The following FILIP1 variants were observed in gnomAD, a reference collection of about 807,000 sequenced individuals.
The protein encoded by FILIP1 is filamin A interacting protein 1.
FILIP1 carries 61 observed loss-of-function variants against 102.1 expected under a neutral mutation model. That is an observed-to-expected ratio of 0.60 (90% CI 0.49 to 0.74). The LOEUF is 0.74. FILIP1 is among the 30% of genes least tolerant of loss of function. The pLI, the probability that FILIP1 is intolerant of heterozygous loss-of-function variation, is 0.00. For missense variants in FILIP1, 1,314 were observed against 1,441.2 expected, an observed-to-expected ratio of 0.91 and a Z score of 1.43; for synonymous variants, 491 against 526.9, an observed-to-expected ratio of 0.93 and a Z score of 0.93.
intron 2 of FILIP1, among the ~76,000 whole-genome samples, chr6:75,407,473 A>G (rs535614730): frequency 5.8e-4 from 88 of 152,130 alleles, no homozygotes; most frequent in African/African-American, 2.0e-3. Flanking sequence ...TGATCCGCCC[A>G]CCTCGGCCTC....
intron 1 of FILIP1, among the ~76,000 whole-genome samples, chr6:75,461,726 G>C (rs1214512572): frequency 1.3e-5 from 2 of 152,138 alleles, no homozygotes; most frequent in African/African-American, 4.8e-5. Flanking sequence ...GATAAATTAG[G>C]TTATTTCCAG....
intron 2 of FILIP1, among the ~76,000 whole-genome samples, chr6:75,365,383 GT>G (rs1775295604): frequency 6.6e-6 from 1 of 151,642 alleles, no homozygotes; most frequent in Non-Finnish European, 1.5e-5. Flanking sequence ...TTTTGTTTTT[GT>G]TTTTGAGACA....
intron 2 of FILIP1, among the ~76,000 whole-genome samples, chr6:75,399,817 C>T (rs1776592548): frequency 1.3e-5 from 2 of 152,188 alleles, no homozygotes; most frequent in African/African-American, 4.8e-5. Context: ...TTTGTCATTT[C>T]ATATGTTATT....
At position 75,345,950 on chromosome 6, in the gene FILIP1, T is replaced by C. The variant is rs6921362; in HGVS notation, c.629+7589A>G. ...CTATTGCTGTGGTGGTGGTGGTGGT[T>C]ATAAAAGCCAAAATATATGGAATCT... is the stretch of plus-strand genomic sequence containing the variant. On this transcript the variant is annotated intron_variant, in intron 4 of 5. Coordinates refer to ENST00000237172, the MANE Select transcript of FILIP1 (RefSeq NM_015687.5). 9.6e-3 allele frequency among the ~76,000 whole-genome samples: 1,456 copies of C among 152,260 alleles called. 22 individuals are homozygous for C. The highest frequency in any genetic ancestry group is 0.034 in the African/African-American group (1,402 of 41,540).
intron 1 of FILIP1, among the ~76,000 whole-genome samples, chr6:75,486,014 C>CAA (rs1422120338): frequency 6.6e-6 from 1 of 151,536 alleles, no homozygotes; most frequent in Non-Finnish European, 1.5e-5. Flanking sequence ...CACACACACA[C>CAA]ACACACTCCA....
At chr6:75,385,491 A>G (rs1034677641) in intron 2 of FILIP1, among the ~76,000 whole-genome samples, 1 of 152,212 alleles carries the variant, frequency 6.6e-6, no homozygotes, top group Non-Finnish European at 1.5e-5. Flanking sequence ...GTGTATTCAA[A>G]TACATCACTT....
intron 1 of FILIP1, among the ~76,000 whole-genome samples, chr6:75,481,436 C>G (rs1779648080): frequency 6.6e-6 from 1 of 152,154 alleles, no homozygotes; most frequent in Admixed American, 6.5e-5. Context: ...GCATCTCACT[C>G]ACAGTCTCTA....
chr6:75,449,787 G>T (rs1308531152), intron 1 of FILIP1, among the ~76,000 whole-genome samples: 1 of 152,264 alleles, frequency 6.6e-6, no homozygotes, highest in East Asian at 1.9e-4. Flanking sequence ...AGTATTTAAA[G>T]TATGAGTGTT....
Position 75,314,107 on chromosome 6 carries a change from C to A in FILIP1, c.1725G>T (p.Leu575Phe), listed in dbSNP as rs1217451276. ...CTTCTTCACTTTTCAATTTGCCTAT[C>A]AACTCATCTCTTTCTCTTGTCAAGT... ...VYNLTRERDE[L>F]IGKLKSEEEK... The change falls in exon 5 of 6, where the codon TTG becomes TTT. Residue 575 changes from leucine to phenylalanine, a missense_variant. Transcript: ENST00000237172. The A allele has an allele frequency of 2.6e-6, 4 of 1,509,656 alleles. No homozygotes were observed. The highest frequency in any genetic ancestry group is 1.8e-4 in the Middle Eastern group (1 of 5,584). The allele number at this position is 1,509,656 out of a possible 1,614,324, so 93.5% of individuals were successfully genotyped here.
chr6:75,362,955 A>G, intron 2 of FILIP1, 38 bp from the exon 3 acceptor site: 4 of 1,597,102 alleles, frequency 2.5e-6, no homozygotes, highest in Non-Finnish European at 3.4e-6. Flanking sequence ...ACGACTGACA[A>G]TGTAAATCGC....
intron 5 of FILIP1, 112 bp from the exon 6 acceptor site, chr6:75,309,009 G>C (rs1232954411): frequency 9.2e-7 from 1 of 1,092,094 alleles, no homozygotes; most frequent in South Asian, 1.5e-5. Flanking sequence ...ACCCACAGAA[G>C]ACCCTTCCCC....
chr6:75,490,435 T>A (rs996431646), intron 1 of FILIP1, among the ~76,000 whole-genome samples: 1 of 152,004 alleles, frequency 6.6e-6, no homozygotes, highest in Non-Finnish European at 1.5e-5. Flanking sequence ...TTTCAAAATA[T>A]CAAGAGAAAA....
At chr6:75,327,496 G>A (rs944199193) in intron 4 of FILIP1, among the ~76,000 whole-genome samples, 1 of 151,270 alleles carries the variant, frequency 6.6e-6, no homozygotes, top group Admixed American at 6.6e-5. Flanking sequence ...CAGGAAACAG[G>A]TAGGGCAGGA....
intron 4 of FILIP1, among the ~76,000 whole-genome samples, chr6:75,331,379 C>T (rs1484692986): frequency 6.6e-6 from 1 of 152,164 alleles, no homozygotes; most frequent in African/African-American, 2.4e-5. Flanking sequence ...TAGTATGAAG[C>T]TCCCTGACTC....
intron 4 of FILIP1, among the ~76,000 whole-genome samples, chr6:75,330,285 T>C (rs1774029325): frequency 6.6e-6 from 1 of 152,204 alleles, no homozygotes; most frequent in Non-Finnish European, 1.5e-5. Context: ...CAGAGAATCA[T>C]TTTTTATAAA....
chr6:75,421,980 A>G (rs1331391264), intron 1 of FILIP1, among the ~76,000 whole-genome samples: 1 of 151,912 alleles, frequency 6.6e-6, no homozygotes, highest in Non-Finnish European at 1.5e-5. Flanking sequence ...ACTTATTTAT[A>G]CTCACTTCCA....
At chr6:75,415,722 A>G (rs1231766763) in intron 1 of FILIP1, among the ~76,000 whole-genome samples, 2 of 152,148 alleles carry the variant, frequency 1.3e-5, no homozygotes, top group Non-Finnish European at 2.9e-5. Context: ...AAGAATTGGG[A>G]GAAAATGAAT....
chr6:75,368,209 C>G (rs1045798063), intron 2 of FILIP1, among the ~76,000 whole-genome samples: 1 of 152,106 alleles, frequency 6.6e-6, no homozygotes, highest in Admixed American at 6.6e-5. Context: ...CCAGGTGGAA[C>G]AAGGGGTTTC....
intron 1 of FILIP1, among the ~76,000 whole-genome samples, chr6:75,472,960 C>T (rs1779372595): frequency 6.6e-6 from 1 of 152,070 alleles, no homozygotes; most frequent in African/African-American, 2.4e-5. Context: ...ATTCTCTTAG[C>T]CATATTTTTA....
Sources: gnomAD v4.1 joint callset for allele counts (sites outside exome capture counted in the v4.1 genomes callset) on GRCh38, gnomAD v4.1.1 for gene constraint, MANE v1.5 for transcripts, NCBI Gene and HGNC (gene_info 2026-07-23, HGNC 2026-07-21) for gene names.